GET1: variants seen among roughly 807,000 people sequenced by gnomAD.
GET1 encodes the protein congenital heart disease 5 protein.
Under a neutral mutation model 22.6 loss-of-function variants are expected in GET1, and 20 were observed. The observed-to-expected ratio is 0.89, with a 90% CI of 0.62 to 1.29. The LOEUF (loss-of-function observed/expected upper bound fraction) is 1.29, where lower values mean the gene tolerates loss of function less well. Among genes scored for constraint, GET1 ranks in the 50% most tolerant of loss-of-function variants. GET1 has a pLI of 0.00. For missense variants in GET1, 209 were observed against 219.9 expected (o/e 0.95, Z 0.31); for synonymous variants, 92 against 83.8 (o/e 1.10, Z -0.53).
At chr21:39,427,660 C>T (rs1176602316) in intron 1 of GET1, 1 of 143,812 alleles carries the variant, frequency 7.0e-6, no homozygotes, top group African/African-American at 2.6e-5. Flanking sequence ...AAGACTCTGT[C>T]TCAAAAAAAA....
At chr21:39,421,260 C>G (rs12481787) in intron 1 of GET1, among the ~76,000 whole-genome samples, 1,810 of 152,220 alleles carry the variant, frequency 0.012, 13 homozygotes, top group Non-Finnish European at 0.017. Flanking sequence ...CACCACCATG[C>G]CTGGATAATT....
rs188814692 is a variant in GET1 at position 39,405,947 on chromosome 21, C to T, written c.383C>T (p.Thr128Ile). The T allele has an allele frequency of 1.1e-5, 17 of 1,613,628 alleles. No homozygotes were observed. The East Asian group carries it at 3.8e-4, about 36-fold the overall frequency. ...GGCTTAATAGAATTTACCACAGTTACTTTAGAGTCTCCGAAAGCATGGCTG... is the reference window on the plus strand; with the variant it reads ...GGCTTAATAGAATTTACCACAGTTATTTTAGAGTCTCCGAAAGCATGGCTG... Residue 128 changes from threonine to isoleucine, a missense_variant, in exon 5 of 5, where the codon ACT becomes ATT. Coordinates refer to the GET1 transcript ENST00000415847.
At chr21:39,383,102 C>A (rs957669994) in intron 1 of GET1, among the ~76,000 whole-genome samples, 4 of 151,500 alleles carry the variant, frequency 2.6e-5, no homozygotes, top group Non-Finnish European at 4.4e-5. Context: ...AGGTGCCCAC[C>A]ACCACCACAA....
At chr21:39,410,406 A>G (rs1361775273), downstream of GET1, 1 of 1,013,732 alleles carries the variant, frequency 9.9e-7, no homozygotes, top group Non-Finnish European at 1.5e-6. Flanking sequence ...AACATATTTT[A>G]CATTTGGATA....
chr21:39,425,517 T>C (rs2074516407), intron 1 of GET1, among the ~76,000 whole-genome samples: 1 of 152,238 alleles, frequency 6.6e-6, no homozygotes, highest in African/African-American at 2.4e-5. Context: ...AATAGGCTTC[T>C]GAGCACAGTA....
At chr21:39,403,183 C>T (rs2038881213) in intron 4 of GET1, among the ~76,000 whole-genome samples, 1 of 152,168 alleles carries the variant, frequency 6.6e-6, no homozygotes, top group Non-Finnish European at 1.5e-5. Context: ...TGCGTATTTC[C>T]CCTTATGAGC....
chr21:39,401,877 C>T (rs548871758), downstream of GET1, among the ~76,000 whole-genome samples: 64 of 152,146 alleles, frequency 4.2e-4, no homozygotes, highest in African/African-American at 1.5e-3. Context: ...GAACTACACC[C>T]GTATGAGGCA....
rs1189357482 is a variant in GET1 at position 39,380,331 on chromosome 21, T to C, written c.-54T>C. The C allele has an allele frequency of 3.2e-6, 5 of 1,551,416 alleles. No individual in the cohort carries two copies. The African/African-American group carries it at 5.5e-5, about 17-fold the overall frequency. On this transcript the variant is annotated 5_prime_UTR_variant, in exon 1 of 5. Transcript: ENST00000649170. ...GCGCAGGCGCGGTCGCCGCTGTTGT[T>C]GTGGTCCCCATGGAGCTGCCGTAGC... is the stretch of plus-strand genomic sequence containing the variant.
intron 4 of GET1, chr21:39,405,880 A>G (rs766031527): frequency 9.0e-6 from 14 of 1,558,144 alleles, no homozygotes; most frequent in Non-Finnish European, 1.1e-5. Flanking sequence ...TATTGATTAT[A>G]TTTAAATAAT....
At chr21:39,380,517 G>A (rs1569026563) in intron 1 of GET1, 31 bp downstream of exon 1, 3 of 1,592,738 alleles carry the variant, frequency 1.9e-6, no homozygotes, top group South Asian at 2.3e-5. Flanking sequence ...CCAAGGGCCG[G>A]TGGGGATGCC....
At chr21:39,399,436 A>AT (rs1569046362), downstream of GET1, among the ~76,000 whole-genome samples, 1 of 151,100 alleles carries the variant, frequency 6.6e-6, no homozygotes, top group Non-Finnish European at 1.5e-5. Flanking sequence ...TGATAGGTTT[A>AT]TTTTTTTTAA....
At chr21:39,380,977 A>G (rs1254701621) in intron 1 of GET1, 48 of 986,332 alleles carry the variant, frequency 4.9e-5, no homozygotes, top group Non-Finnish European at 8.4e-6. Flanking sequence ...TGATGCCTTC[A>G]GTATCCAAGG....
At chr21:39,415,930 G>C (rs762721991) in intron 1 of GET1, among the ~76,000 whole-genome samples, 1 of 152,086 alleles carries the variant, frequency 6.6e-6, no homozygotes, top group Non-Finnish European at 1.5e-5. Context: ...GTTTAGGTTC[G>C]GTTCGTTGGC....
At chr21:39,424,187 A>G (rs1055971421) in intron 1 of GET1, among the ~76,000 whole-genome samples, 1 of 151,764 alleles carries the variant, frequency 6.6e-6, no homozygotes, top group Admixed American at 6.6e-5. Flanking sequence ...TAATTTTTGT[A>G]TTTTTAGTAG....
At chr21:39,400,179 T>C (rs190011262), downstream of GET1, among the ~76,000 whole-genome samples, 1,977 of 148,636 alleles carry the variant, frequency 0.013, 22 homozygotes, top group Middle Eastern at 0.055. Context: ...TGTGTGTGTG[T>C]GCACGCGCAC....
intron 4 of GET1, among the ~76,000 whole-genome samples, chr21:39,395,560 C>A (rs1184198867): frequency 6.6e-6 from 1 of 152,036 alleles, no homozygotes; most frequent in Non-Finnish European, 1.5e-5. Context: ...GACAGGGTTT[C>A]ACCATGTTGG....
chr21:39,391,571 G>A (rs1348739661), intron 2 of GET1, 198 bp from the exon 3 acceptor site: 8 of 545,302 alleles, frequency 1.5e-5, no homozygotes, highest in East Asian at 6.9e-5. Flanking sequence ...AATCTGAGTC[G>A]GATACTATTT....
chr21:39,390,398 C>G (rs967938844), intron 1 of GET1, among the ~76,000 whole-genome samples: 2 of 152,182 alleles, frequency 1.3e-5, no homozygotes, highest in Non-Finnish European at 2.9e-5. Flanking sequence ...CTAGGGCTGT[C>G]TGCCACCCGG....
downstream of GET1, among the ~76,000 whole-genome samples, chr21:39,399,087 TAGAG>T (rs2038775178): frequency 6.6e-6 from 1 of 151,172 alleles, no homozygotes; most frequent in Non-Finnish European, 1.5e-5. Context: ...ATTCAGAAGA[TAGAG>T]AAAGAGCTAC....
Sources: gnomAD v4.1 joint callset for allele counts (sites outside exome capture counted in the v4.1 genomes callset) on GRCh38, gnomAD v4.1.1 for gene constraint, MANE v1.5 for transcripts, NCBI Gene and HGNC (gene_info 2026-07-23, HGNC 2026-07-21) for gene names.